The following SRSF11 variants were observed in gnomAD, a reference collection of about 807,000 sequenced individuals.
The protein encoded by SRSF11 is serine/arginine-rich splicing factor 11.
Under a neutral mutation model 56.0 loss-of-function variants are expected in SRSF11, and 9 were observed. That is an observed-to-expected ratio of 0.16 (90% confidence interval 0.10 to 0.28). The LOEUF (loss-of-function observed/expected upper bound fraction) is 0.28, where lower values mean the gene tolerates loss of function less well. Among genes scored for constraint, SRSF11 ranks in the 10% least tolerant of loss-of-function variants. The probability of loss-of-function intolerance (pLI) is 1.00; values close to 1 mark genes in which losing one functional copy is unlikely to be tolerated. For synonymous variants in SRSF11, 222 were observed against 215.3 expected (o/e 1.03, Z -0.27); for missense variants, 421 against 600.7 (o/e 0.70, Z 3.13).
intron 9 of SRSF11, among the ~76,000 whole-genome samples, chr1:70,247,769 G>A (rs1677085244): frequency 6.6e-6 from 1 of 152,068 alleles, no homozygotes; most frequent in Non-Finnish European, 1.5e-5. Context: ...AACCTAGAGT[G>A]CTAGTTAGAA....
In SRSF11 at chr1:70,250,719, G is replaced by C; in HGVS notation, c.1369G>C (p.Val457Leu). 6.2e-7 allele frequency: 1 copy of C among 1,614,054 alleles called. No homozygotes were observed. The highest frequency in any genetic ancestry group is 8.5e-7 in the Non-Finnish European group (1 of 1,179,976). ...TTCCCCTAAAACAAAGGAATGTTCT[G>C]TGGAAAAGGGAACTGGTGATTCACT... is the stretch of plus-strand genomic sequence containing the variant. Reference protein sequence around the residue: ...TGSPKTKECSVEKGTGDSLRE... With the variant: ...TGSPKTKECSLEKGTGDSLRE... Residue 457 changes from valine (V) to leucine (L), a missense_variant, in exon 12 of 12, where the codon GTG (valine) becomes CTG (leucine). By Grantham distance (32) the Val-to-Leu change is conservative. This residue lies in a region of SRSF11 where 253 missense variants were observed against 305.8 expected (regional missense o/e 0.83). Transcript: ENST00000370949.
At chr1:70,225,378 A>G (rs1291253014) in intron 1 of SRSF11, among the ~76,000 whole-genome samples, 1 of 152,228 alleles carries the variant, frequency 6.6e-6, no homozygotes, top group East Asian at 1.9e-4. Flanking sequence ...ATATTTCTTT[A>G]CATAGTGAGA....
chr1:70,219,968 T>A (rs1670368866), upstream of SRSF11, among the ~76,000 whole-genome samples: 1 of 152,238 alleles, frequency 6.6e-6, no homozygotes, highest in Non-Finnish European at 1.5e-5. Context: ...CTCCAAAACA[T>A]CTAAAACTTT....
intron 1 of SRSF11, among the ~76,000 whole-genome samples, chr1:70,228,209 G>C (rs2100697701): frequency 6.6e-6 from 1 of 152,236 alleles, no homozygotes; most frequent in South Asian, 2.1e-4. Context: ...GTAAATATAA[G>C]TTATGATTAT....
upstream of SRSF11, chr1:70,220,685 A>G (rs1314793804): frequency 2.0e-5 from 3 of 152,096 alleles, no homozygotes; most frequent in East Asian, 5.8e-4. Flanking sequence ...CCCCATGTCT[A>G]CTAAAAATAC....
chr1:70,223,698 A>G (rs1322462962), intron 1 of SRSF11, among the ~76,000 whole-genome samples: 2 of 152,226 alleles, frequency 1.3e-5, no homozygotes, highest in Non-Finnish European at 2.9e-5. Context: ...TCTACATTTG[A>G]TCAGTAATGT....
At chr1:70,230,007 A>G in intron 2 of SRSF11, 1 of 985,362 alleles carries the variant, frequency 1.0e-6, no homozygotes, top group Non-Finnish European at 1.2e-6. Flanking sequence ...CAAATTCAGG[A>G]TGAATAAAAT....
intron 8 of SRSF11, among the ~76,000 whole-genome samples, chr1:70,245,264 T>A (rs1239776861): frequency 6.6e-6 from 1 of 152,204 alleles, no homozygotes; most frequent in East Asian, 1.9e-4. Context: ...ATCTTAATTT[T>A]CTAGAAGCAA....
At chr1:70,220,652 C>T (rs2100574912), upstream of SRSF11, among the ~76,000 whole-genome samples, 1 of 152,196 alleles carries the variant, frequency 6.6e-6, no homozygotes, top group Non-Finnish European at 1.5e-5. Context: ...GAGTTGGAGA[C>T]CAGCCTGGCC....
intron 7 of SRSF11, among the ~76,000 whole-genome samples, chr1:70,244,325 C>T (rs887643921): frequency 6.6e-6 from 1 of 152,072 alleles, no homozygotes; most frequent in Admixed American, 6.6e-5. Context: ...ATAAGAAATA[C>T]ATGCTAAAAT....
intron 9 of SRSF11, chr1:70,249,086 G>A (rs1399310447): frequency 6.6e-6 from 1 of 151,982 alleles, no homozygotes; most frequent in Non-Finnish European, 1.5e-5. Flanking sequence ...ACAGTAAAAA[G>A]GAGGGGAAGG....
At chr1:70,237,659 ACT>A (rs1674421043) in intron 6 of SRSF11, 107 bp downstream of exon 6, 3 of 1,460,678 alleles carry the variant, frequency 2.1e-6, no homozygotes, top group Non-Finnish European at 2.8e-6. Flanking sequence ...AATGTTGTAA[ACT>A]CTGATAAAAG....
intron 8 of SRSF11, 87 bp from the exon 9 acceptor site, chr1:70,246,731 C>T: frequency 1.4e-6 from 1 of 739,218 alleles, no homozygotes; most frequent in East Asian, 2.7e-5. Flanking sequence ...GGGATTAGAT[C>T]TGATTATATT....
At chr1:70,235,450 G>A in intron 4 of SRSF11, 51 bp from the exon 5 acceptor site, 1 of 1,453,454 alleles carries the variant, frequency 6.9e-7, no homozygotes, top group Non-Finnish European at 9.5e-7. Context: ...GAAAATATCG[G>A]TCATTTATTG....
rs1016758434 is a variant in SRSF11, at chr1:70,221,453, C to T, written c.-184C>T. The T allele has an allele frequency of 2.8e-5, 25 of 884,104 alleles. No individual in the cohort carries two copies. Among genetic ancestry groups the T allele is most frequent in the Admixed American group, 7.7e-5 (3 of 38,780 alleles). The allele number at this position is 884,104 out of a possible 1,614,324, so 54.8% of individuals were successfully genotyped here. ...TCTCGAGCTCGCGCGCTCTCATCCC[C>T]TCCCCCGCGGCGTGCGGCGGGGCGG... On this transcript the variant is annotated 5_prime_UTR_variant, in exon 1 of 12. Transcript: ENST00000370949.
In SRSF11 at chr1:70,221,930, C is replaced by A. The variant is rs562448820; in HGVS notation, c.203+91C>A. The A allele has an allele frequency of 1.2e-5, 19 of 1,537,328 alleles. No homozygotes were observed. The African/African-American group carries it at 2.3e-4, about 19-fold the overall frequency. ...TTCCTTAGGCCCCTGTCGCTGCTTC[C>A]CCGGGCCAGGCTGCTTGAGTGGCTG... On this transcript the variant is annotated intron_variant, in intron 1 of 11. Transcript: ENST00000370949.
At chr1:70,249,858 C>A in intron 9 of SRSF11, 94 bp from the exon 10 acceptor site, 1 of 1,346,768 alleles carries the variant, frequency 7.4e-7, no homozygotes, top group Non-Finnish European at 1.1e-6. Flanking sequence ...CTACATCTGG[C>A]CACATCTTTC....
At chr1:70,216,200 T>TAA (rs923594157) in intron 1 of SRSF11, among the ~76,000 whole-genome samples, 5 of 152,310 alleles carry the variant, frequency 3.3e-5, no homozygotes, top group African/African-American at 1.2e-4. Flanking sequence ...TTAGTATTGT[T>TAA]TTACGGATGT....
Position 70,244,757 on chromosome 1 carries a change from C to A in SRSF11, c.874C>A (p.Arg292=). ...TCGGCGACGATCCAAAAGCCCAAGG[C>A]GGAGAAGATCTCATTCCAGAGAAAG... ...RSRRRSKSPR[R]RRSHSRERGR... is the part of the protein sequence containing the mutation. Residue 292 remains arginine, a synonymous_variant, in exon 8 of 12, where the codon CGG becomes AGG. Coordinates refer to ENST00000370949, the MANE Select transcript of SRSF11 (RefSeq NM_001350605.2). 6.2e-7 allele frequency: 1 copy of A among 1,614,068 alleles called. No homozygotes were observed. Among genetic ancestry groups the A allele is most frequent in the Non-Finnish European group, 8.5e-7 (1 of 1,179,998 alleles).
Sources: allele counts gnomAD v4.1 joint callset (sites outside exome capture counted in the v4.1 genomes callset), GRCh38; gene constraint gnomAD v4.1.1; regional missense constraint gnomAD v4.1.1; transcripts MANE v1.5; gene names NCBI Gene and HGNC (gene_info 2026-07-23, HGNC 2026-07-21).